PRRC2C: variants seen among roughly 807,000 people sequenced by gnomAD.
PRRC2C encodes the protein protein PRRC2C.
PRRC2C carries 72 observed loss-of-function variants against 317.2 expected under a neutral mutation model. The ratio of observed to expected loss-of-function variants is 0.23; its 90% CI spans 0.19 to 0.28. PRRC2C has a LOEUF of 0.28. Among genes scored for constraint, PRRC2C ranks in the 10% least tolerant of loss-of-function variants. The probability of loss-of-function intolerance (pLI) is 1.00; values close to 1 mark genes in which losing one functional copy is unlikely to be tolerated. For missense variants in PRRC2C, 3,074 were observed against 3,459.7 expected, an observed-to-expected ratio of 0.89 and a Z score of 2.80; for synonymous variants, 1,296 against 1,205.9, an observed-to-expected ratio of 1.07 and a Z score of -1.55.
At chr1:171,572,571 G>A (rs1684965644) in intron 24 of PRRC2C, among the ~76,000 whole-genome samples, 2 of 152,102 alleles carry the variant, frequency 1.3e-5, no homozygotes, top group Admixed American at 6.5e-5. Flanking sequence ...AATTTTATAA[G>A]ACAACAGCTT....
chr1:171,527,753 C>A, intron 10 of PRRC2C, 38 bp from the exon 11 acceptor site: 2 of 1,517,674 alleles, frequency 1.3e-6, no homozygotes, highest in South Asian at 2.4e-5. Flanking sequence ...AAGACTGTCT[C>A]CAAAATAATA....
Position 171,537,467 on chromosome 1 carries a change from A to T in PRRC2C, c.2498A>T (p.Asp833Val), listed in dbSNP as rs201683273. ...CCCAAAGCAACAGAAGAGCCTGAGGATGTAAGGTAATAAATTATTTCAATT... is the reference window on the plus strand; with the variant it reads ...CCCAAAGCAACAGAAGAGCCTGAGGTTGTAAGGTAATAAATTATTTCAATT... ...TTPKATEEPE[D>V]VRSEAALDQE... The change falls in exon 15 of 35, where the codon GAT becomes GTT. Residue 833 changes from aspartate to valine, a missense_variant. Physicochemically the swap from Asp to Val is radical, Grantham distance 152. Around this residue, in one of 11 missense-constraint regions of PRRC2C, gnomAD observed 1,320 missense variants for 1,395.7 expected, o/e 0.95. Transcript: ENST00000647382. 1 of 1,560,348 alleles carries T rather than the reference A, an allele frequency of 6.4e-7. No individual in the cohort carries two copies. The highest frequency in any genetic ancestry group is 8.7e-7 in the Non-Finnish European group (1 of 1,150,818).
In PRRC2C at chr1:171,566,331, T is replaced by C; in HGVS notation, c.6216T>C (p.Pro2072=). 6.2e-7 allele frequency: 1 copy of C among 1,603,736 alleles called. No individual in the cohort carries two copies. Among genetic ancestry groups the C allele is most frequent in the Non-Finnish European group, 8.5e-7 (1 of 1,174,910 alleles). The change falls in exon 21 of 35, where the codon CCT becomes CCC. Residue 2072 remains proline, a synonymous_variant. Coordinates refer to ENST00000647382, the MANE Select transcript of PRRC2C (RefSeq NM_001387844.1). ...ATGGAAATGAAAATGAAGTTGTTCC[T>C]GTGCTTTCGGAAAAATCTGCTGACA... is the stretch of plus-strand genomic sequence containing the variant. ...ASNGNENEVV[P]VLSEKSADKI...
At position 171,514,651 on chromosome 1, in the gene PRRC2C, T is replaced by C. The variant is rs1268394437; in HGVS notation, c.400+6T>C. 6.4e-7 allele frequency: 1 copy of C among 1,552,572 alleles called. No homozygotes were observed. The highest frequency in any genetic ancestry group is 2.4e-5 in the East Asian group (1 of 41,010). On this transcript the variant is annotated splice_donor_region_variant and intron_variant, in intron 4 of 34. Transcript: ENST00000647382. ...GCAAGGTGGGCAAGGAGATGGTAAG[T>C]GGACATTAGTTGGGGAAGCTGCCTA...
At chr1:171,584,845 T>G (rs978569270) in intron 30 of PRRC2C, among the ~76,000 whole-genome samples, 2 of 152,162 alleles carry the variant, frequency 1.3e-5, no homozygotes, top group African/African-American at 4.8e-5. Context: ...TGATCATGGC[T>G]CATTGCAGCC....
chr1:171,574,606 C>A (rs768348894), intron 24 of PRRC2C, among the ~76,000 whole-genome samples: 5 of 152,118 alleles, frequency 3.3e-5, no homozygotes, highest in Admixed American at 6.5e-5. Context: ...ATTTAAGAAG[C>A]ATTGGAGTAA....
intron 12 of PRRC2C, among the ~76,000 whole-genome samples, chr1:171,535,028 CT>C (rs1039464711): frequency 6.6e-6 from 1 of 151,988 alleles, no homozygotes; most frequent in Non-Finnish European, 1.5e-5. Flanking sequence ...AACATGCTCT[CT>C]TTTTAAGTAT....
At chr1:171,563,385 G>T (rs947899402) in intron 20 of PRRC2C, among the ~76,000 whole-genome samples, 1 of 152,088 alleles carries the variant, frequency 6.6e-6, no homozygotes, top group Non-Finnish European at 1.5e-5. Context: ...AGGGAATAAT[G>T]ACAAGAAAGA....
rs545758985 is a variant in PRRC2C, at chr1:171,528,377, C to G, written c.1254+533C>G. ...GATCTTGGCTCACTGCAACCTCTGC[C>G]TCCTGGGTTCACAGCATTCTCCTGC... On this transcript the variant is annotated intron_variant, in intron 11 of 34. Transcript: ENST00000647382. Among the ~76,000 whole-genome samples, 17 of 151,808 alleles carry G rather than the reference C, an allele frequency of 1.1e-4. No individual in the cohort carries two copies. The South Asian group carries it at 3.5e-3, about 31-fold the overall frequency.
intron 1 of PRRC2C, among the ~76,000 whole-genome samples, chr1:171,500,679 G>T (rs1006769356): frequency 6.6e-5 from 10 of 152,122 alleles, no homozygotes; most frequent in African/African-American, 2.4e-4. Flanking sequence ...TCACTGTTCA[G>T]TGTCATTCTT....
chr1:171,535,792 T>A (rs925216997), intron 13 of PRRC2C, among the ~76,000 whole-genome samples, 195 bp downstream of exon 13: 3 of 152,212 alleles, frequency 2.0e-5, no homozygotes, highest in African/African-American at 7.2e-5. Flanking sequence ...TCTGCCTCAT[T>A]TATAGACACC....
At chr1:171,564,775 G>A (rs755241324) in intron 20 of PRRC2C, among the ~76,000 whole-genome samples, 46 of 152,148 alleles carry the variant, frequency 3.0e-4, no homozygotes, top group Non-Finnish European at 6.3e-4. Context: ...GTAAAAATAC[G>A]ATATTATAAT....
Position 171,579,427 on chromosome 1 carries a change from C to G in PRRC2C, c.7233C>G (p.Ser2411=). ...AACATGCACGATTGGCTCCGCCATC[C>G]TTGGCTCAACAACAGGGTTTCCAAC... ...NTQHARLAPP[S]LAQQQGFQPG... is the part of the protein sequence containing the mutation. The change falls in exon 27 of 35, where the codon TCC becomes TCG. Residue 2411 remains serine (S), a synonymous_variant. Coordinates refer to ENST00000647382, the MANE Select transcript of PRRC2C (RefSeq NM_001387844.1). 1.2e-6 allele frequency: 2 copies of G among 1,613,848 alleles called. No homozygotes were observed. Among genetic ancestry groups the G allele is most frequent in the Non-Finnish European group, 1.7e-6 (2 of 1,179,874 alleles).
At chr1:171,571,089 G>C (rs898521708) in intron 23 of PRRC2C, among the ~76,000 whole-genome samples, 2 of 152,124 alleles carry the variant, frequency 1.3e-5, no homozygotes, top group Non-Finnish European at 2.9e-5. Flanking sequence ...CTCTCTTTCT[G>C]CCAACTTAAC....
At chr1:171,575,466 T>G (rs1685540550) in intron 25 of PRRC2C, among the ~76,000 whole-genome samples, 1 of 152,242 alleles carries the variant, frequency 6.6e-6, no homozygotes, top group African/African-American at 2.4e-5. Context: ...GCTGTTGGCC[T>G]AAACCTGTTG....
At position 171,517,626 on chromosome 1, in the gene PRRC2C, G is replaced by T; in HGVS notation, c.562G>T (p.Gly188Cys). Residue 188 changes from glycine (G) to cysteine (C), a missense_variant, in exon 6 of 35, where the codon GGC (glycine) becomes TGC (cysteine). Gly to Cys is a radical substitution (Grantham distance 159). Coordinates refer to ENST00000647382, the MANE Select transcript of PRRC2C (RefSeq NM_001387844.1). ...ACWRDGGKAA[G>C]SPSSSDQDEK... ...TTGGAGAGATGGTGGTAAGGCTGCT[G>T]GCTCACCTTCGTCATCTGATCAAGA... The T allele has an allele frequency of 6.2e-7, 1 of 1,612,468 alleles. No homozygotes were observed. Among genetic ancestry groups the T allele is most frequent in the Non-Finnish European group, 8.5e-7 (1 of 1,179,662 alleles).
At chr1:171,523,749 T>C (rs1353138461) in intron 9 of PRRC2C, among the ~76,000 whole-genome samples, 1 of 152,070 alleles carries the variant, frequency 6.6e-6, no homozygotes. Flanking sequence ...TTTAAAAACA[T>C]TTAGGGCTGG....
chr1:171,534,388 T>A (rs538423131), intron 12 of PRRC2C, among the ~76,000 whole-genome samples: 2 of 152,340 alleles, frequency 1.3e-5, no homozygotes, highest in East Asian at 3.9e-4. Context: ...TGTGCTTTTA[T>A]TTTCATTCAC....
At chr1:171,514,514 T>C in intron 3 of PRRC2C, 22 bp from the exon 4 acceptor site, 2 of 1,505,308 alleles carry the variant, frequency 1.3e-6, no homozygotes, top group Non-Finnish European at 1.8e-6. Flanking sequence ...TCTGAAATAA[T>C]GGATTCATAT....
Sources: gnomAD v4.1 joint callset for allele counts (sites outside exome capture counted in the v4.1 genomes callset) on GRCh38, gnomAD v4.1.1 for gene constraint, gnomAD v4.1.1 regional missense constraint, MANE v1.5 for transcripts, NCBI Gene and HGNC (gene_info 2026-07-23, HGNC 2026-07-21) for gene names.